The following DEPDC1B variants were observed in gnomAD, a reference collection of about 807,000 sequenced individuals.
The protein encoded by DEPDC1B is DEP domain containing 1B.
Under a neutral mutation model 66.5 loss-of-function variants are expected in DEPDC1B, and 51 were observed. The ratio of observed to expected loss-of-function variants is 0.77; its 90% confidence interval spans 0.61 to 0.97. The LOEUF (loss-of-function observed/expected upper bound fraction) is 0.97, where lower values mean the gene tolerates loss of function less well. Among genes scored for constraint, DEPDC1B ranks in the 50% least tolerant of loss-of-function variants. The probability of loss-of-function intolerance (pLI) is 0.00; values close to 1 mark genes in which losing one functional copy is unlikely to be tolerated. For synonymous variants in DEPDC1B, 226 were observed against 223.6 expected (o/e 1.01, Z -0.10); for missense variants, 552 against 637.1 (o/e 0.87, Z 1.44).
chr5:60,648,567 CTA>C (rs532807707), intron 2 of DEPDC1B, among the ~76,000 whole-genome samples: 42 of 152,312 alleles, frequency 2.8e-4, no homozygotes, highest in African/African-American at 9.9e-4. Context: ...TTGAGGAAAA[CTA>C]TGATTTCTCA....
chr5:60,599,589 G>C (rs1561352511), intron 9 of DEPDC1B, among the ~76,000 whole-genome samples: 1 of 152,196 alleles, frequency 6.6e-6, no homozygotes, highest in Non-Finnish European at 1.5e-5. Flanking sequence ...ACATGCTCGT[G>C]ATGGCCTTGA....
At chr5:60,652,147 T>C (rs1425569833) in intron 2 of DEPDC1B, among the ~76,000 whole-genome samples, 1 of 149,410 alleles carries the variant, frequency 6.7e-6, no homozygotes, top group Non-Finnish European at 1.5e-5. Flanking sequence ...GTCATGAATA[T>C]TTATGAAAGA....
chr5:60,597,941 G>C, intron 10 of DEPDC1B, 27 bp from the exon 11 acceptor site: 1 of 1,531,984 alleles, frequency 6.5e-7, no homozygotes, highest in Non-Finnish European at 8.7e-7. Context: ...TCCAAGAAGA[G>C]TAAAAAAAGA....
chr5:60,642,322 C>T (rs976260248), intron 6 of DEPDC1B, among the ~76,000 whole-genome samples: 1 of 152,088 alleles, frequency 6.6e-6, no homozygotes. Flanking sequence ...TGTGAAAATT[C>T]CCAGAAGAAT....
intron 2 of DEPDC1B, among the ~76,000 whole-genome samples, chr5:60,653,487 C>T (rs1753503041): frequency 1.3e-5 from 2 of 152,084 alleles, no homozygotes; most frequent in African/African-American, 2.4e-5. Flanking sequence ...GTTCCTCGTA[C>T]ATTGTGGATA....
chr5:60,665,956 G>A (rs1345737344), intron 2 of DEPDC1B, among the ~76,000 whole-genome samples: 1 of 152,230 alleles, frequency 6.6e-6, no homozygotes, highest in African/African-American at 2.4e-5. Flanking sequence ...CCAGCAGGGA[G>A]CAGCAACCCC....
chr5:60,638,596 A>C (rs1338116811), intron 7 of DEPDC1B, among the ~76,000 whole-genome samples, 154 bp downstream of exon 7: 1 of 152,196 alleles, frequency 6.6e-6, no homozygotes, highest in Non-Finnish European at 1.5e-5. Context: ...TTCTTCACAG[A>C]GCAACAGAGC....
chr5:60,656,224 G>C (rs1479022478), intron 2 of DEPDC1B, among the ~76,000 whole-genome samples: 1 of 149,038 alleles, frequency 6.7e-6, no homozygotes, highest in Non-Finnish European at 1.5e-5. Flanking sequence ...ACAGTGGTGC[G>C]ATTTTGGCTC....
chr5:60,662,649 G>T (rs1431082075), intron 2 of DEPDC1B, among the ~76,000 whole-genome samples: 1 of 152,120 alleles, frequency 6.6e-6, no homozygotes, highest in African/African-American at 2.4e-5. Context: ...CCTTAAAAAA[G>T]ACTGTCCGAA....
intron 8 of DEPDC1B, among the ~76,000 whole-genome samples, chr5:60,604,976 C>T (rs1039102826): frequency 3.9e-5 from 6 of 152,170 alleles, no homozygotes; most frequent in Non-Finnish European, 8.8e-5. Flanking sequence ...AGGGAGTACA[C>T]GGTGTTTTAA....
Position 60,597,706 on chromosome 5 carries a change from CA to C in DEPDC1B, c.*46del. The C allele has an allele frequency of 6.4e-7, 1 of 1,569,536 alleles. No individual in the cohort carries two copies. The highest frequency in any genetic ancestry group is 8.6e-7 in the Non-Finnish European group (1 of 1,165,050). On this transcript the variant is annotated 3_prime_UTR_variant, in exon 11 of 11. Coordinates refer to ENST00000265036, the MANE Select transcript of DEPDC1B (RefSeq NM_018369.3). ...GTCTTTCTCCTAACCACCATTCACT[CA>C]AAACAACAACAGTGGTCTCTAGCAC...
intron 7 of DEPDC1B, among the ~76,000 whole-genome samples, chr5:60,614,788 C>T (rs1279931240): frequency 2.6e-5 from 4 of 151,886 alleles, no homozygotes; most frequent in Admixed American, 2.0e-4. Context: ...GTCAGGAGTT[C>T]GAGACCAGCC....
intron 2 of DEPDC1B, among the ~76,000 whole-genome samples, chr5:60,670,826 G>A (rs1302588832): frequency 6.6e-6 from 1 of 152,168 alleles, no homozygotes; most frequent in Non-Finnish European, 1.5e-5. Context: ...TTCTTGACAG[G>A]GGACATAGTA....
chr5:60,692,425 C>T (rs1207747408), intron 1 of DEPDC1B, among the ~76,000 whole-genome samples: 1 of 151,954 alleles, frequency 6.6e-6, no homozygotes, highest in Non-Finnish European at 1.5e-5. Context: ...TCATTTTGTA[C>T]CCTATGAATA....
At chr5:60,669,556 A>G (rs995960031) in intron 2 of DEPDC1B, among the ~76,000 whole-genome samples, 11 of 152,166 alleles carry the variant, frequency 7.2e-5, no homozygotes, top group African/African-American at 2.4e-4. Flanking sequence ...CCCATTCAAC[A>G]TATTTCTTGA....
At chr5:60,657,360 G>GT (rs963002965) in intron 2 of DEPDC1B, among the ~76,000 whole-genome samples, 10 of 151,362 alleles carry the variant, frequency 6.6e-5, no homozygotes, top group South Asian at 2.1e-4. Context: ...ATACCTTGTT[G>GT]TTTTTTTTCA....
chr5:60,637,261 C>G (rs1216267592), intron 7 of DEPDC1B, among the ~76,000 whole-genome samples: 1 of 152,136 alleles, frequency 6.6e-6, no homozygotes, highest in East Asian at 1.9e-4. Context: ...GGGGCAGTTT[C>G]TAATGGCTTA....
intron 7 of DEPDC1B, among the ~76,000 whole-genome samples, chr5:60,607,701 T>C (rs1487546429): frequency 1.3e-5 from 2 of 152,006 alleles, no homozygotes; most frequent in Non-Finnish European, 2.9e-5. Flanking sequence ...CTTCTATCAT[T>C]TTCAGGAAGG....
At chr5:60,619,269 G>A (rs1176129098) in intron 7 of DEPDC1B, among the ~76,000 whole-genome samples, 1 of 152,210 alleles carries the variant, frequency 6.6e-6, no homozygotes, top group Admixed American at 6.5e-5. Context: ...ATTCAACATA[G>A]TGTTGGAAGT....
Sources: allele counts gnomAD v4.1 joint callset (sites outside exome capture counted in the v4.1 genomes callset), GRCh38; gene constraint gnomAD v4.1.1; transcripts MANE v1.5; gene names NCBI Gene and HGNC (gene_info 2026-07-23, HGNC 2026-07-21).